Variants in MLF1 observed in about 807,000 individuals in gnomAD.
The protein encoded by MLF1 is myelodysplasia-myeloid leukemia factor 1.
Under a neutral mutation model 38.3 loss-of-function variants are expected in MLF1, and 37 were observed. The observed-to-expected ratio is 0.96, with a 90% CI of 0.74 to 1.27. The LOEUF (loss-of-function observed/expected upper bound fraction) is 1.27. MLF1 is among the 50% of genes most tolerant of loss of function. The pLI, the probability that MLF1 is intolerant of heterozygous loss-of-function variation, is 0.00. For missense variants in MLF1, 331 were observed against 349.2 expected, an observed-to-expected ratio of 0.95 and a Z score of 0.42; for synonymous variants, 95 against 106.5, an observed-to-expected ratio of 0.89 and a Z score of 0.66.
Position 158,605,307 on chromosome 3 carries a change from C to A in MLF1, c.*105C>A. On this transcript the variant is annotated 3_prime_UTR_variant, in exon 8 of 8. Transcript: ENST00000466246. ...CTCTTGCTGTTAAATCAGTTCTGTC[C>A]TTGGCAACTTTCTTCTGATATCTGA... 1.3e-6 allele frequency: 1 copy of A among 764,682 alleles called. No individual in the cohort carries two copies. Among genetic ancestry groups the A allele is most frequent in the Non-Finnish European group, 2.0e-6 (1 of 491,098 alleles). 47.4% of individuals were successfully genotyped at this position (764,682 alleles called of 1,614,324 possible).
At chr3:158,588,203 A>G (rs1267600762) in intron 1 of MLF1, among the ~76,000 whole-genome samples, 1 of 152,148 alleles carries the variant, frequency 6.6e-6, no homozygotes, top group Non-Finnish European at 1.5e-5. Flanking sequence ...TCCACCAGTC[A>G]AGACTTGAGA....
chr3:158,571,479 G>T, intron 1 of MLF1, 132 bp downstream of exon 1: 1 of 1,107,138 alleles, frequency 9.0e-7, no homozygotes, highest in South Asian at 1.4e-5. Flanking sequence ...GTTTGAAGGA[G>T]ACGAGGATTT....
At chr3:158,572,502 G>T (rs1291318374) in intron 1 of MLF1, among the ~76,000 whole-genome samples, 1 of 129,704 alleles carries the variant, frequency 7.7e-6, no homozygotes, top group Non-Finnish European at 1.6e-5. Flanking sequence ...AGGATTTGGG[G>T]GCATGAGGTG....
chr3:158,603,082 A>G (rs1052386013), intron 7 of MLF1, 143 bp downstream of exon 7: 83 of 682,842 alleles, frequency 1.2e-4, no homozygotes, highest in Non-Finnish European at 1.7e-4. Context: ...ATAATTTTAT[A>G]TGAAAGCTGA....
chr3:158,602,811 T>C lies in MLF1; in HGVS notation c.618T>C (p.Asp206=), dbSNP rs1236486980. The change falls in exon 7 of 8, where the codon GAT becomes GAC. Residue 206 remains aspartate (D), a synonymous_variant. Transcript: ENST00000466246. The part of the protein sequence containing the change: ...NQEFINMNES[D]AHAFDEEWQS... Reference sequence around the variant, plus strand: ...TTATTTTTCTGTTTGACATAGGTGATGCTCATGCTTTTGATGAGGAGTGGC... The same window carrying C: ...TTATTTTTCTGTTTGACATAGGTGACGCTCATGCTTTTGATGAGGAGTGGC... 14 of 1,613,292 alleles carry C rather than the reference T, an allele frequency of 8.7e-6. No homozygotes were observed. Among genetic ancestry groups the C allele is most frequent in the Non-Finnish European group, 1.1e-5 (13 of 1,179,740 alleles).
At chr3:158,585,037 G>GAAA (rs59014137) in intron 1 of MLF1, among the ~76,000 whole-genome samples, 2 of 88,850 alleles carry the variant, frequency 2.3e-5, no homozygotes, top group Non-Finnish European at 2.3e-5. Flanking sequence ...GACTCTGTCT[G>GAAA]AAAAAAAAAA....
intron 2 of MLF1, among the ~76,000 whole-genome samples, chr3:158,592,882 A>G (rs1481910871): frequency 6.6e-6 from 1 of 152,130 alleles, no homozygotes; most frequent in Admixed American, 6.6e-5. Context: ...TTCCTCTGAT[A>G]TCTGAAATTA....
chr3:158,574,885 A>C (rs1715191296), intron 1 of MLF1, among the ~76,000 whole-genome samples: 1 of 152,144 alleles, frequency 6.6e-6, no homozygotes, highest in South Asian at 2.1e-4. Context: ...TATGATAGAC[A>C]ATTTTCGAGT....
At chr3:158,580,332 T>TA (rs1716144640) in intron 1 of MLF1, among the ~76,000 whole-genome samples, 1 of 151,278 alleles carries the variant, frequency 6.6e-6, no homozygotes, top group African/African-American at 2.4e-5. Flanking sequence ...AAAAAAAAAG[T>TA]AGAGTGATAC....
At chr3:158,579,174 A>C (rs541104322) in intron 1 of MLF1, among the ~76,000 whole-genome samples, 1 of 152,308 alleles carries the variant, frequency 6.6e-6, no homozygotes, top group South Asian at 2.1e-4. Flanking sequence ...TCCTAGAAGA[A>C]TGAAATTTTA....
At chr3:158,586,063 C>A (rs1717201641) in intron 1 of MLF1, among the ~76,000 whole-genome samples, 2 of 151,708 alleles carry the variant, frequency 1.3e-5, no homozygotes, top group Admixed American at 1.3e-4. Flanking sequence ...ACTGGGGAGG[C>A]TGAGGCAGGA....
At position 158,592,365 on chromosome 3, in the gene MLF1, T is replaced by C. The variant is rs941145878; in HGVS notation, c.48-69T>C. On this transcript the variant is annotated intron_variant, in intron 1 of 7. Transcript: ENST00000466246. ...ATTAGCCCAAAATAATTATTTGTAA[T>C]ATTTACCTGCCTACTTACTATTTAA... is the stretch of plus-strand genomic sequence containing the variant. 13 of 1,383,508 alleles carry C rather than the reference T, an allele frequency of 9.4e-6. No individual in the cohort carries two copies. The Admixed American group carries it at 2.3e-4, about 25-fold the overall frequency. The allele number at this position is 1,383,508 out of a possible 1,614,324, so 85.7% of individuals were successfully genotyped here. A position where few individuals can be genotyped will look rare whatever the true frequency, so the allele number is the denominator to read the frequency against.
At chr3:158,591,345 A>G (rs565837198) in intron 1 of MLF1, among the ~76,000 whole-genome samples, 255 of 152,088 alleles carry the variant, frequency 1.7e-3, no homozygotes, top group Middle Eastern at 3.4e-3. Context: ...TTTTTAGTAG[A>G]GATGGGGTTT....
intron 1 of MLF1, among the ~76,000 whole-genome samples, chr3:158,582,187 A>AT (rs898541507): frequency 3.9e-5 from 6 of 152,060 alleles, no homozygotes; most frequent in Admixed American, 1.3e-4. Flanking sequence ...CAAAAAAAAA[A>AT]GAGAGAAATG....
intron 1 of MLF1, chr3:158,582,891 G>A: frequency 1.4e-6 from 1 of 689,984 alleles, no homozygotes; most frequent in Non-Finnish European, 2.6e-6. Context: ...AAACTCTGAT[G>A]TACATTAAAA....
intron 1 of MLF1, among the ~76,000 whole-genome samples, chr3:158,586,120 C>T (rs6774829): frequency 0.33 from 49,911 of 150,324 alleles, 8,397 homozygotes; most frequent in Middle Eastern, 0.37. Flanking sequence ...GCTGAGATTG[C>T]GCCATTGCAC....
chr3:158,598,812 T>C (rs576060385), intron 5 of MLF1, among the ~76,000 whole-genome samples: 1 of 152,308 alleles, frequency 6.6e-6, no homozygotes, highest in South Asian at 2.1e-4. Flanking sequence ...TTTTCCTGTA[T>C]CTGGAGTTTA....
At chr3:158,578,910 C>T (rs553779632) in intron 1 of MLF1, among the ~76,000 whole-genome samples, 30 of 152,148 alleles carry the variant, frequency 2.0e-4, no homozygotes, top group African/African-American at 6.5e-4. Flanking sequence ...TTCCAAAATT[C>T]GGACCACACT....
rs530607602 is a variant in MLF1, at chr3:158,597,701, G to C, written c.325-379G>C. On this transcript the variant is annotated intron_variant, in intron 4 of 7. Transcript: ENST00000466246. Reference sequence around the variant, plus strand: ...TAATTGATTGGCTTAATGTTGGCAAGATTACACACAAGGGTCAACCACTGA... The same window carrying C: ...TAATTGATTGGCTTAATGTTGGCAACATTACACACAAGGGTCAACCACTGA... Among the ~76,000 whole-genome samples the C allele has an allele frequency of 1.4e-4, 21 of 152,278 alleles. No individual in the cohort carries two copies. In the South Asian group the frequency reaches 4.1e-3, roughly 30 times the overall value.
Sources: gnomAD v4.1 joint callset for allele counts (sites outside exome capture counted in the v4.1 genomes callset) on GRCh38, gnomAD v4.1.1 for gene constraint, MANE v1.5 for transcripts, NCBI Gene and HGNC (gene_info 2026-07-23, HGNC 2026-07-21) for gene names.